SERAC1: variants seen among roughly 807,000 people sequenced by gnomAD.
SERAC1 encodes the protein serine active site containing 1.
A neutral mutation model predicts 85.7 loss-of-function variants in SERAC1; 36 were observed. The observed-to-expected ratio is 0.42, with a 90% CI of 0.32 to 0.55. SERAC1 has a LOEUF of 0.55. Among genes scored for constraint, SERAC1 ranks in the 20% least tolerant of loss-of-function variants. The pLI, the probability that SERAC1 is intolerant of heterozygous loss-of-function variation, is 0.11. For synonymous variants in SERAC1, 242 were observed against 265.3 expected (o/e 0.91, Z 0.85); for missense variants, 629 against 796.2 (o/e 0.79, Z 2.53).
chr6:158,144,532 T>C, intron 6 of SERAC1, 112 bp from the exon 7 acceptor site: 1 of 1,030,516 alleles, frequency 9.7e-7, no homozygotes, highest in Non-Finnish European at 1.4e-6. Context: ...GCTCTGCAAA[T>C]TTGTAATCCA....
chr6:158,125,913 G>A (rs546005582), intron 10 of SERAC1, among the ~76,000 whole-genome samples: 6 of 151,782 alleles, frequency 4.0e-5, no homozygotes, highest in Admixed American at 3.3e-4. Context: ...CAAAAGAGGA[G>A]AAACAACAGA....
In SERAC1 at chr6:158,119,091, C is replaced by T. The variant is rs186976994; in HGVS notation, c.1246G>A (p.Glu416Lys). 2 of 1,614,026 alleles carry T rather than the reference C, an allele frequency of 1.2e-6. No individual in the cohort carries two copies. Among genetic ancestry groups the T allele is most frequent in the Admixed American group, 1.7e-5 (1 of 60,000 alleles). Residue 416 changes from glutamate (E) to lysine (K), a missense_variant, in exon 12 of 17, where the codon GAG becomes AAG. Physicochemically the swap from Glu to Lys is moderately conservative, Grantham distance 56 (BLOSUM62 1). Coordinates refer to ENST00000647468, the MANE Select transcript of SERAC1 (RefSeq NM_032861.4). The surrounding 1 kb of genome is among the most constrained non-coding windows in gnomAD (Gnocchi z 4.5). Reference sequence around the variant, plus strand: ...ATAGGTTTTTCAATTACAGCCTGCTCACTGTCCTGCTGGCGCCATGTTTTG... The same window carrying T: ...ATAGGTTTTTCAATTACAGCCTGCTTACTGTCCTGCTGGCGCCATGTTTTG... ...AFKTWRQQDS[E>K]QAVIEKPMED... is the part of the protein sequence containing the mutation.
At chr6:158,131,527 C>T (rs890425773) in intron 8 of SERAC1, among the ~76,000 whole-genome samples, 47 of 149,090 alleles carry the variant, frequency 3.2e-4, no homozygotes, top group African/African-American at 1.1e-3. Context: ...ATATAAACAA[C>T]GCTCAGCACT....
intron 3 of SERAC1, among the ~76,000 whole-genome samples, chr6:158,151,400 C>T (rs774737964): frequency 2.0e-5 from 3 of 151,664 alleles, no homozygotes; most frequent in African/African-American, 2.4e-5. Flanking sequence ...CCAGCCTGGG[C>T]GACAGAGCAA....
intron 12 of SERAC1, among the ~76,000 whole-genome samples, chr6:158,118,712 G>A (rs920308865): frequency 1.3e-5 from 2 of 151,800 alleles, no homozygotes; most frequent in African/African-American, 2.4e-5. Context: ...CATAGAATTA[G>A]GTAACTATTA....
Position 158,126,074 on chromosome 6 carries a change from A to G in SERAC1, c.1015+2034T>C, listed in dbSNP as rs145790070. 3.9e-3 allele frequency among the ~76,000 whole-genome samples: 595 copies of G among 152,334 alleles called. 6 individuals carry two copies. The highest frequency in any genetic ancestry group is 0.014 in the African/African-American group (570 of 41,582). ...TTGAAAGTATATCTTCCATCCCACAACACACATATATGTGTACATATACAT... is the reference window on the plus strand; with the variant it reads ...TTGAAAGTATATCTTCCATCCCACAGCACACATATATGTGTACATATACAT... On this transcript the variant is annotated intron_variant, in intron 10 of 16. Transcript: ENST00000647468.
Position 158,143,139 on chromosome 6 carries a change from G to A in SERAC1, c.655C>T (p.Pro219Ser), listed in dbSNP as rs763396573. 3 of 1,613,570 alleles carry A rather than the reference G, an allele frequency of 1.9e-6. No individual in the cohort carries two copies. Among genetic ancestry groups the A allele is most frequent in the Admixed American group, 1.7e-5 (1 of 59,962 alleles). The change falls in exon 8 of 17, where the codon CCT becomes TCT. Residue 219 changes from proline (P) to serine (S), a missense_variant. Coordinates refer to ENST00000647468, the MANE Select transcript of SERAC1 (RefSeq NM_032861.4). ...ATACACTCATCTAGCTCTGTTTGAG[G>A]TAAGGAAGCCAGCAACTGTCTGAGC... ...EELRQLLASL[P>S]QTELDECIQY...
intron 3 of SERAC1, among the ~76,000 whole-genome samples, chr6:158,154,991 C>T (rs1358728721): frequency 6.6e-6 from 1 of 150,942 alleles, no homozygotes; most frequent in Non-Finnish European, 1.5e-5. Context: ...TTTAAGCCTG[C>T]CGGAGCTGAG....
chr6:158,146,642 C>A, intron 6 of SERAC1, 140 bp downstream of exon 6: 1 of 993,188 alleles, frequency 1.0e-6, no homozygotes, highest in Non-Finnish European at 1.5e-6. Context: ...GAACTCCTGA[C>A]CTTGTGATCC....
intron 15 of SERAC1, among the ~76,000 whole-genome samples, chr6:158,114,112 T>C (rs1375405285): frequency 1.3e-5 from 2 of 151,988 alleles, no homozygotes; most frequent in African/African-American, 4.8e-5. Context: ...TCACAAACCT[T>C]CTACTTAGGA....
chr6:158,130,514 C>A, intron 8 of SERAC1, 28 bp from the exon 9 acceptor site: 2 of 1,394,292 alleles, frequency 1.4e-6, no homozygotes, highest in Non-Finnish European at 2.0e-6. Context: ...AAAATTTTTA[C>A]TGAAAAAAAG....
At position 158,114,236 on chromosome 6, in the gene SERAC1, C is replaced by T. The variant is rs141541351; in HGVS notation, c.1684+553G>A. On this transcript the variant is annotated intron_variant, in intron 15 of 16. Coordinates refer to ENST00000647468, the MANE Select transcript of SERAC1 (RefSeq NM_032861.4). ...GTACGGAAAACACAATCTGACTCCACGAAAGGAAAGTCCAACAGAAGGTTT... is the reference window on the plus strand; with the variant it reads ...GTACGGAAAACACAATCTGACTCCATGAAAGGAAAGTCCAACAGAAGGTTT... Among the ~76,000 whole-genome samples, 370 of 152,196 alleles carry T rather than the reference C, an allele frequency of 2.4e-3. 2 individuals carry two copies. The highest frequency in any genetic ancestry group is 8.2e-3 in the African/African-American group (341 of 41,504).
chr6:158,125,782 AG>A (rs1784525769), intron 10 of SERAC1, among the ~76,000 whole-genome samples: 1 of 152,218 alleles, frequency 6.6e-6, no homozygotes, highest in Non-Finnish European at 1.5e-5. Context: ...AAAGAATGGC[AG>A]GGGATGTGAA....
intron 10 of SERAC1, among the ~76,000 whole-genome samples, chr6:158,126,791 T>C (rs1279447881): frequency 6.6e-6 from 1 of 152,128 alleles, no homozygotes; most frequent in Non-Finnish European, 1.5e-5. Context: ...AGGCCAGGCA[T>C]GGTAATCTCA....
At chr6:158,149,153 G>A (rs1167881104) in intron 4 of SERAC1, among the ~76,000 whole-genome samples, 199 bp from the exon 5 acceptor site, 3 of 151,974 alleles carry the variant, frequency 2.0e-5, no homozygotes, top group African/African-American at 7.2e-5. Context: ...CACCACGCCT[G>A]GCTAATTTTT....
At chr6:158,158,224 T>C (rs368584487) in intron 2 of SERAC1, 49 bp downstream of exon 2, 2 of 1,402,338 alleles carry the variant, frequency 1.4e-6, no homozygotes, top group Non-Finnish European at 2.0e-6. Flanking sequence ...TGGCCACAAT[T>C]CTATCACTGT....
rs755223330 is a variant in SERAC1, at chr6:158,119,150, A to G, written c.1187T>C (p.Val396Ala). The change falls in exon 12 of 17, where the codon GTC (valine) becomes GCC (alanine). Residue 396 changes from valine to alanine, a missense_variant. Transcript: ENST00000647468. The surrounding 1 kb of genome is among the most constrained non-coding windows in gnomAD (Gnocchi z 4.5). Reference sequence around the variant, plus strand: ...TCCCATAAGGCCATGAATAAAAAGGACATCTGCTTTAATGGGCTGACTAAT... The same window carrying G: ...TCCCATAAGGCCATGAATAAAAAGGGCATCTGCTTTAATGGGCTGACTAAT... ...YRTSQPIKAD[V>A]LFIHGLMGAA... is the part of the protein sequence containing the mutation. 3.7e-6 allele frequency: 6 copies of G among 1,612,246 alleles called. No individual in the cohort carries two copies.
intron 8 of SERAC1, among the ~76,000 whole-genome samples, chr6:158,131,321 TGTATA>T (rs1251411181): frequency 1.4e-5 from 2 of 147,430 alleles, no homozygotes; most frequent in Non-Finnish European, 3.0e-5. Context: ...ATTTATATAT[TGTATA>T]GTATATATTT....
intron 1 of SERAC1, among the ~76,000 whole-genome samples, chr6:158,166,545 T>G (rs551135151): frequency 6.6e-6 from 1 of 152,348 alleles, no homozygotes; most frequent in African/African-American, 2.4e-5. Context: ...AATATGGTGA[T>G]TTTAATTGGC....
Sources: gnomAD v4.1 joint callset for allele counts (sites outside exome capture counted in the v4.1 genomes callset) on GRCh38, gnomAD v4.1.1 for gene constraint, Gnocchi (gnomAD v3.1) non-coding constraint, MANE v1.5 for transcripts, NCBI Gene and HGNC (gene_info 2026-07-23, HGNC 2026-07-21) for gene names.